CFAP43: variants seen among roughly 807,000 people sequenced by gnomAD.
CFAP43 encodes cilia and flagella associated protein 43.
Under a neutral mutation model 218.9 loss-of-function variants are expected in CFAP43, and 155 were observed. The observed-to-expected ratio is 0.71, with a 90% CI of 0.62 to 0.81. The LOEUF (loss-of-function observed/expected upper bound fraction) is 0.81, where lower values mean the gene tolerates loss of function less well. CFAP43 is among the 30% of genes least tolerant of loss of function. CFAP43 has a pLI of 0.00. For missense variants in CFAP43, 1,778 were observed against 1,954.3 expected (o/e 0.91, Z 1.70); for synonymous variants, 645 against 681.3 (o/e 0.95, Z 0.83).
chr10:104,133,484 T>C (rs774050936), intron 35 of CFAP43, 136 bp downstream of exon 35: 4 of 924,748 alleles, frequency 4.3e-6, no homozygotes, highest in Non-Finnish European at 6.1e-6. Flanking sequence ...GAAAAATAAC[T>C]CACAGATATA....
At chr10:104,209,045 G>T (rs1482788814) in intron 5 of CFAP43, among the ~76,000 whole-genome samples, 1 of 152,146 alleles carries the variant, frequency 6.6e-6, no homozygotes, top group South Asian at 2.1e-4. Context: ...TTTTTTAAAA[G>T]TCCACAACTT....
rs544819988 is a variant in CFAP43 at position 104,232,283 on chromosome 10, C to A, written c.-37G>T. On this transcript the variant is annotated 5_prime_UTR_variant, in exon 1 of 38. Transcript: ENST00000357060. ...TCCTCAGGCGGGAGCAGGCAGCGCA[C>A]GCAGCACCCCAGGGCGGGTCGGTTA... The A allele has an allele frequency of 1.3e-5, 21 of 1,564,792 alleles. No homozygotes were observed. The highest frequency in any genetic ancestry group is 2.1e-4 in the Middle Eastern group (1 of 4,876).
intron 2 of CFAP43, among the ~76,000 whole-genome samples, chr10:104,226,630 A>G (rs1455663039): frequency 6.6e-6 from 1 of 152,130 alleles, no homozygotes; most frequent in African/African-American, 2.4e-5. Context: ...ATTTCTTTCT[A>G]GTCTTTTCTT....
chr10:104,144,875 A>T (rs1397001795), intron 31 of CFAP43, among the ~76,000 whole-genome samples: 1 of 152,246 alleles, frequency 6.6e-6, no homozygotes, highest in African/African-American at 2.4e-5. Context: ...ATTTTCTACC[A>T]TTTATACTGG....
chr10:104,231,728 C>G (rs1026721776), intron 1 of CFAP43, among the ~76,000 whole-genome samples: 4 of 152,038 alleles, frequency 2.6e-5, no homozygotes, highest in Admixed American at 2.6e-4. Flanking sequence ...CAAATAAATC[C>G]AAAGCTAGTG....
chr10:104,224,560 G>C (rs2091262402), intron 3 of CFAP43, among the ~76,000 whole-genome samples: 1 of 151,402 alleles, frequency 6.6e-6, no homozygotes, highest in Non-Finnish European at 1.5e-5. Flanking sequence ...TTCAAGACCA[G>C]CCTGGCCAAA....
At chr10:104,203,394 A>ATTTCC (rs2090589129) in intron 8 of CFAP43, 2 of 384,506 alleles carry the variant, frequency 5.2e-6, no homozygotes, top group Non-Finnish European at 9.2e-6. Context: ...AGCAGAGAGG[A>ATTTCC]AACAGAGCCA....
intron 28 of CFAP43, among the ~76,000 whole-genome samples, chr10:104,148,480 G>A (rs954662020): frequency 2.6e-5 from 4 of 152,196 alleles, no homozygotes; most frequent in African/African-American, 9.7e-5. Flanking sequence ...GTGATCCCTG[G>A]TGCTGTAGGT....
At chr10:104,186,655 T>A (rs1157151481) in intron 14 of CFAP43, among the ~76,000 whole-genome samples, 2 of 152,218 alleles carry the variant, frequency 1.3e-5, no homozygotes, top group African/African-American at 4.8e-5. Flanking sequence ...GATCAAATAT[T>A]GCTTCCTTCA....
At chr10:104,224,470 A>G (rs2091260679) in intron 3 of CFAP43, among the ~76,000 whole-genome samples, 1 of 152,054 alleles carries the variant, frequency 6.6e-6, no homozygotes, top group Non-Finnish European at 1.5e-5. Context: ...CTGTTTTAAA[A>G]AAATTTTAGG....
chr10:104,206,248 G>C (rs2090684979), intron 6 of CFAP43, among the ~76,000 whole-genome samples: 1 of 152,148 alleles, frequency 6.6e-6, no homozygotes, highest in African/African-American at 2.4e-5. Flanking sequence ...GGAGTTGGGA[G>C]GGAAGTGAAA....
At chr10:104,217,718 A>C (rs942224757) in intron 3 of CFAP43, among the ~76,000 whole-genome samples, 3 of 152,164 alleles carry the variant, frequency 2.0e-5, no homozygotes, top group African/African-American at 2.4e-5. Context: ...ACATCAGGTC[A>C]GCTGGTACCT....
At chr10:104,175,606 A>C (rs1481668117) in intron 19 of CFAP43, among the ~76,000 whole-genome samples, 1 of 152,206 alleles carries the variant, frequency 6.6e-6, no homozygotes, top group Non-Finnish European at 1.5e-5. Flanking sequence ...AACACAGTAC[A>C]CTTCAGAATA....
At position 104,143,607 on chromosome 10, in the gene CFAP43, G is replaced by T. The variant is rs773865217; in HGVS notation, c.3977C>A (p.Thr1326Asn). The change falls in exon 32 of 38, where the codon ACC becomes AAC. Residue 1326 changes from threonine to asparagine, a missense_variant. By Grantham distance (65) the Thr-to-Asn change is moderately conservative. Coordinates refer to ENST00000357060, the MANE Select transcript of CFAP43 (RefSeq NM_025145.7). ...TAGTTCTCCGAAAGGGACAACGCTG[G>T]TTGTTTCTGAGTGCGTTTTCTGTTT... is the stretch of plus-strand genomic sequence containing the variant. ...ISKQKTHSET[T>N]SVVPFGELPG... 28 of 1,614,034 alleles carry T rather than the reference G, an allele frequency of 1.7e-5. No individual in the cohort carries two copies. The highest frequency in any genetic ancestry group is 2.4e-5 in the Non-Finnish European group (28 of 1,180,040).
intron 28 of CFAP43, among the ~76,000 whole-genome samples, chr10:104,150,803 T>C (rs1040763278): frequency 1.3e-5 from 2 of 152,250 alleles, no homozygotes; most frequent in African/African-American, 4.8e-5. Context: ...ACTTGTGTCA[T>C]GGGGGTTTGT....
chr10:104,182,855 G>C (rs1191841266), intron 16 of CFAP43, among the ~76,000 whole-genome samples: 2 of 152,018 alleles, frequency 1.3e-5, no homozygotes, highest in African/African-American at 2.4e-5. Flanking sequence ...GGGACTACAG[G>C]GGTACACCAC....
At chr10:104,142,931 A>G (rs1225755428) in intron 32 of CFAP43, among the ~76,000 whole-genome samples, 1 of 152,252 alleles carries the variant, frequency 6.6e-6, no homozygotes, top group Non-Finnish European at 1.5e-5. Flanking sequence ...AACGTGAGCC[A>G]TAAATGTGAG....
chr10:104,168,840 C>T lies in CFAP43; in HGVS notation c.2595G>A (p.Lys865=), dbSNP rs777929441. Reference sequence around the variant, plus strand: ...TGGCTAAGTTATGCATCTCTACATCCTTTATCATCTTGAAGAACACAGACA... The same window carrying T: ...TGGCTAAGTTATGCATCTCTACATCTTTTATCATCTTGAAGAACACAGACA... ...ESQEEVAKMI[K]DVEMHNLAKS... The change falls in exon 21 of 38, where the codon AAG becomes AAA. Residue 865 remains lysine (K), a synonymous_variant. Transcript: ENST00000357060. 8.1e-6 allele frequency: 13 copies of T among 1,610,130 alleles called. No individual in the cohort carries two copies. Among genetic ancestry groups the T allele is most frequent in the Middle Eastern group, 3.3e-4 (2 of 6,082 alleles).
chr10:104,193,786 T>G, intron 11 of CFAP43, 80 bp downstream of exon 11: 1 of 1,494,222 alleles, frequency 6.7e-7, no homozygotes, highest in Non-Finnish European at 8.9e-7. Flanking sequence ...AACTTAAAAT[T>G]AAAAGAAAGG....
Sources: allele counts gnomAD v4.1 joint callset (sites outside exome capture counted in the v4.1 genomes callset), GRCh38; gene constraint gnomAD v4.1.1; transcripts MANE v1.5; gene names NCBI Gene and HGNC (gene_info 2026-07-23, HGNC 2026-07-21).